Variants in GRM7 observed in about 807,000 individuals in gnomAD.
GRM7 encodes the protein glutamate metabotropic receptor 7.
In GRM7, 35 loss-of-function variants were observed where a neutral mutation model predicts 84.5. The observed-to-expected ratio is 0.41, with a 90% CI of 0.32 to 0.55. The LOEUF (loss-of-function observed/expected upper bound fraction) is 0.55. Ranked by LOEUF, GRM7 falls within the 20% of genes least tolerant of loss-of-function variation. GRM7 has a pLI of 0.19. For synonymous variants in GRM7, 487 were observed against 455.1 expected (o/e 1.07, Z -0.89); for missense variants, 1,003 against 1,194.6 (o/e 0.84, Z 2.36).
At chr3:7,153,423 A>T (rs1694350317) in intron 2 of GRM7, among the ~76,000 whole-genome samples, 1 of 151,982 alleles carries the variant, frequency 6.6e-6, no homozygotes, top group Non-Finnish European at 1.5e-5. Context: ...ATCCTCTCTC[A>T]CTAGAGAGTA....
In GRM7 at chr3:7,465,738, G is replaced by A. The variant is rs1299560823; in HGVS notation, c.1515+4016G>A. ...CTCAGTTACATCATCTCAAGCAAAT[G>A]AAATTTTCGAGGGCGGCTTTCTCTG... is the stretch of plus-strand genomic sequence containing the variant. On this transcript the variant is annotated intron_variant, in intron 7 of 9. Coordinates refer to ENST00000357716, the MANE Select transcript of GRM7 (RefSeq NM_000844.4). Among the ~76,000 whole-genome samples the A allele has an allele frequency of 2.0e-5, 3 of 151,892 alleles. No individual in the cohort carries two copies. The East Asian group carries it at 5.8e-4, about 29-fold the overall frequency.
intron 8 of GRM7, among the ~76,000 whole-genome samples, chr3:7,637,917 C>T (rs1011334): frequency 0.69 from 105,407 of 152,122 alleles, 36,751 homozygotes; most frequent in South Asian, 0.83. Flanking sequence ...ATTCTGACAT[C>T]GATCTCAGCA....
intron 1 of GRM7, among the ~76,000 whole-genome samples, chr3:6,951,713 A>T (rs1440937603): frequency 6.6e-6 from 1 of 152,176 alleles, no homozygotes; most frequent in Non-Finnish European, 1.5e-5. Flanking sequence ...GTCCCCTTTC[A>T]GAAAAAAATA....
chr3:7,427,693 T>C (rs73810642), intron 5 of GRM7, among the ~76,000 whole-genome samples: 173 of 152,298 alleles, frequency 1.1e-3, no homozygotes, highest in African/African-American at 4.1e-3. Context: ...CCCACTTTTA[T>C]CCACCAGTTT....
chr3:7,035,308 G>T (rs1332535400), intron 1 of GRM7, among the ~76,000 whole-genome samples: 1 of 152,162 alleles, frequency 6.6e-6, no homozygotes, highest in African/African-American at 2.4e-5. Context: ...TTAGGAAAGA[G>T]AATATTTCAG....
intron 4 of GRM7, among the ~76,000 whole-genome samples, chr3:7,407,722 G>A (rs1695743913): frequency 6.6e-6 from 1 of 152,150 alleles, no homozygotes; most frequent in Non-Finnish European, 1.5e-5. Context: ...AACAAAAGTG[G>A]CAGAAATGTA....
At chr3:6,903,511 C>T (rs1696467766) in intron 1 of GRM7, among the ~76,000 whole-genome samples, 1 of 152,070 alleles carries the variant, frequency 6.6e-6, no homozygotes. Context: ...CACATTTTCA[C>T]ATAAGTTAAT....
At chr3:6,964,533 A>T (rs1693437828) in intron 1 of GRM7, among the ~76,000 whole-genome samples, 1 of 151,914 alleles carries the variant, frequency 6.6e-6, no homozygotes, top group South Asian at 2.1e-4. Context: ...TTCTTTGCTC[A>T]CTCTACTTCT....
chr3:7,000,732 G>A (rs1357758383), intron 1 of GRM7, among the ~76,000 whole-genome samples: 3 of 152,166 alleles, frequency 2.0e-5, no homozygotes, highest in African/African-American at 7.2e-5. Flanking sequence ...TGGGACTCAG[G>A]CTAAAGGAGT....
intron 1 of GRM7, among the ~76,000 whole-genome samples, chr3:6,925,064 G>A (rs1016143624): frequency 6.6e-6 from 1 of 152,184 alleles, no homozygotes; most frequent in African/African-American, 2.4e-5. Context: ...AAAGAGATAT[G>A]AGTGGGGAGA....
rs150957088 is a variant in GRM7, at chr3:7,527,814, T to C, written c.1516-50608T>C. 2.0e-5 allele frequency among the ~76,000 whole-genome samples: 3 copies of C among 152,232 alleles called. No individual in the cohort carries two copies. The East Asian group carries it at 5.8e-4, about 29-fold the overall frequency. On this transcript the variant is annotated intron_variant, in intron 7 of 9. Transcript: ENST00000357716. Reference sequence around the variant, plus strand: ...TGGGTTTTTTAAAATTCTGTTTATGTGTTAAATCACATTTATTGACTTGTG... The same window carrying C: ...TGGGTTTTTTAAAATTCTGTTTATGCGTTAAATCACATTTATTGACTTGTG...
chr3:7,380,704 A>G (rs916434681), intron 4 of GRM7, among the ~76,000 whole-genome samples: 1 of 152,166 alleles, frequency 6.6e-6, no homozygotes, highest in African/African-American at 2.4e-5. Context: ...CCCAATTTTG[A>G]ACATTCTAAC....
At chr3:7,713,118 TG>T (rs1299472476) in intron 9 of GRM7, among the ~76,000 whole-genome samples, 3,940 of 132,186 alleles carry the variant, frequency 0.03, 179 homozygotes, top group African/African-American at 0.05. Flanking sequence ...ATTCGAATTT[TG>T]TTTTGTTTTT....
chr3:7,340,885 C>T (rs765507063), intron 4 of GRM7, among the ~76,000 whole-genome samples: 7 of 152,114 alleles, frequency 4.6e-5, no homozygotes, highest in South Asian at 2.1e-4. Context: ...GTAGGAATTA[C>T]GTGTCTGCAT....
chr3:7,182,089 A>G (rs780958595), intron 2 of GRM7, among the ~76,000 whole-genome samples: 1 of 152,186 alleles, frequency 6.6e-6, no homozygotes, highest in Admixed American at 6.5e-5. Flanking sequence ...TGTTCCTCTT[A>G]TAACTGTTTT....
chr3:7,069,059 TTA>T lies in GRM7; in HGVS notation c.520-77379_520-77378del, dbSNP rs58544723. 3.4e-4 allele frequency among the ~76,000 whole-genome samples: 51 copies of T among 149,280 alleles called. 1 individual carries two copies. The East Asian group carries it at 6.5e-3, about 19-fold the overall frequency. On this transcript the variant is annotated intron_variant, in intron 1 of 9. Coordinates refer to ENST00000357716, the MANE Select transcript of GRM7 (RefSeq NM_000844.4). ...ATATACGATGATGATATACATAATTTTATATATATATATATCATATATTAATC... is the reference window on the plus strand; with the variant it reads ...ATATACGATGATGATATACATAATTTTATATATATATATCATATATTAATC...
At chr3:7,138,280 G>T (rs888279799) in intron 1 of GRM7, among the ~76,000 whole-genome samples, 1 of 151,898 alleles carries the variant, frequency 6.6e-6, no homozygotes, top group African/African-American at 2.4e-5. Flanking sequence ...TAAACTGTAG[G>T]TGACAATATG....
At chr3:7,013,707 C>T (rs1695465204) in intron 1 of GRM7, among the ~76,000 whole-genome samples, 1 of 152,124 alleles carries the variant, frequency 6.6e-6, no homozygotes, top group African/African-American at 2.4e-5. Context: ...AGGAGAATTG[C>T]TTGAGCCAGG....
intron 7 of GRM7, among the ~76,000 whole-genome samples, chr3:7,530,135 C>G (rs1575458456): frequency 6.9e-6 from 1 of 145,870 alleles, no homozygotes; most frequent in South Asian, 2.3e-4. Context: ...ATGTTCCCCT[C>G]CCTGTGTCCA....
Sources: gnomAD v4.1 joint callset for allele counts (sites outside exome capture counted in the v4.1 genomes callset) on GRCh38, gnomAD v4.1.1 for gene constraint, MANE v1.5 for transcripts, NCBI Gene and HGNC (gene_info 2026-07-23, HGNC 2026-07-21) for gene names.